Variants in KCNN2 observed in about 807,000 individuals in gnomAD.
KCNN2 encodes potassium calcium-activated channel subfamily N member 2, also known as small conductance calcium-activated potassium channel protein 2.
In KCNN2, 24 loss-of-function variants were observed where a neutral mutation model predicts 55.5. That is an observed-to-expected ratio of 0.43 (90% CI 0.31 to 0.61). The LOEUF (loss-of-function observed/expected upper bound fraction) is 0.61. Among genes scored for constraint, KCNN2 ranks in the 20% least tolerant of loss-of-function variants. The probability of loss-of-function intolerance (pLI) is 0.08; values close to 1 mark genes in which losing one functional copy is unlikely to be tolerated. For missense variants in KCNN2, 754 were observed against 853.6 expected, an observed-to-expected ratio of 0.88 and a Z score of 1.45; for synonymous variants, 431 against 336.1, an observed-to-expected ratio of 1.28 and a Z score of -3.09.
intron 3 of KCNN2, among the ~76,000 whole-genome samples, chr5:114,414,551 A>G (rs980453577): frequency 6.6e-6 from 1 of 152,130 alleles, no homozygotes; most frequent in East Asian, 1.9e-4. Context: ...GATAGTTCCA[A>G]TGCTGTTTTG....
At chr5:114,083,491 A>G (rs1309919363) in intron 1 of KCNN2, among the ~76,000 whole-genome samples, 2 of 151,970 alleles carry the variant, frequency 1.3e-5, no homozygotes, top group Non-Finnish European at 2.9e-5. Flanking sequence ...TTTCCTTATC[A>G]TTTCCTTGTT....
At chr5:114,181,875 G>A (rs185994974) in intron 1 of KCNN2, among the ~76,000 whole-genome samples, 13 of 152,170 alleles carry the variant, frequency 8.5e-5, no homozygotes, top group Admixed American at 5.2e-4. Context: ...TTAGCCCAGC[G>A]TTGTGGCGCA....
intron 3 of KCNN2, among the ~76,000 whole-genome samples, chr5:114,460,887 G>C (rs1050236455): frequency 1.3e-5 from 2 of 152,114 alleles, no homozygotes; most frequent in Non-Finnish European, 2.9e-5. Flanking sequence ...AAGCAGCTTT[G>C]TCTCACAATT....
At chr5:114,074,021 T>C (rs1393151363) in intron 1 of KCNN2, among the ~76,000 whole-genome samples, 2 of 152,188 alleles carry the variant, frequency 1.3e-5, no homozygotes, top group Admixed American at 6.5e-5. Flanking sequence ...AGCTCTAATA[T>C]CTACAACTTT....
intron 2 of KCNN2, among the ~76,000 whole-genome samples, chr5:114,285,480 T>A (rs564706315): frequency 6.6e-6 from 1 of 152,068 alleles, no homozygotes; most frequent in Admixed American, 6.6e-5. Context: ...AAATGGGAAA[T>A]AAGGATAAGT....
chr5:114,094,944 TA>T (rs981545004), intron 1 of KCNN2, among the ~76,000 whole-genome samples: 79 of 152,294 alleles, frequency 5.2e-4, no homozygotes, highest in African/African-American at 1.8e-3. Flanking sequence ...TTTTATATGA[TA>T]ATTTTCTCTA....
intron 3 of KCNN2, among the ~76,000 whole-genome samples, chr5:114,455,571 G>A (rs1014196465): frequency 3.9e-5 from 6 of 152,158 alleles, no homozygotes; most frequent in Admixed American, 1.3e-4. Context: ...GAAGGATTGC[G>A]TATCTCTCAC....
At chr5:114,056,775 T>C (rs2112504157) in intron 1 of KCNN2, among the ~76,000 whole-genome samples, 1 of 152,176 alleles carries the variant, frequency 6.6e-6, no homozygotes, top group African/African-American at 2.4e-5. Flanking sequence ...CTTCCATCCT[T>C]CCCCCCTTGT....
chr5:114,319,558 G>A (rs72799654), intron 2 of KCNN2, among the ~76,000 whole-genome samples: 21,126 of 152,130 alleles, frequency 0.14, 1,989 homozygotes, highest in Non-Finnish European at 0.19. Flanking sequence ...GCTGAGGTGA[G>A]TTGCTACTAG....
At chr5:114,150,042 C>G (rs538475511) in intron 1 of KCNN2, among the ~76,000 whole-genome samples, 1 of 152,170 alleles carries the variant, frequency 6.6e-6, no homozygotes, top group East Asian at 1.9e-4. Flanking sequence ...TGATGTGAAA[C>G]CTCCCTGACT....
At chr5:114,441,769 C>T (rs1760223048) in intron 3 of KCNN2, among the ~76,000 whole-genome samples, 1 of 152,110 alleles carries the variant, frequency 6.6e-6, no homozygotes, top group Non-Finnish European at 1.5e-5. Flanking sequence ...TCCCACTAGA[C>T]TAGATCACTA....
At chr5:114,464,705 A>G (rs920633220) in intron 4 of KCNN2, among the ~76,000 whole-genome samples, 5 of 152,214 alleles carry the variant, frequency 3.3e-5, no homozygotes, top group Non-Finnish European at 7.3e-5. Context: ...AGTAGTAACA[A>G]GATGGCCATT....
intron 2 of KCNN2, among the ~76,000 whole-genome samples, chr5:114,400,133 G>T (rs916821821): frequency 1.3e-5 from 2 of 151,818 alleles, no homozygotes; most frequent in East Asian, 1.9e-4. Flanking sequence ...CCTGGATTTT[G>T]GTTATTTCTT....
At position 114,397,270 on chromosome 5, in the gene KCNN2, C is replaced by G. The variant is rs189743291; in HGVS notation, c.1219-7168C>G. On this transcript the variant is annotated intron_variant, in intron 2 of 7. Coordinates refer to ENST00000673685, the MANE Select transcript of KCNN2 (RefSeq NM_021614.4). ...GGGATTGCTGGGTCTACTGGTAATTCTGTTTTAAGTTCTTTGAGAAATCAT... is the reference window on the plus strand; with the variant it reads ...GGGATTGCTGGGTCTACTGGTAATTGTGTTTTAAGTTCTTTGAGAAATCAT... Among the ~76,000 whole-genome samples the G allele has an allele frequency of 5.3e-5, 8 of 152,276 alleles. No homozygotes were observed. In the South Asian group the frequency reaches 1.7e-3, roughly 32 times the overall value.
chr5:114,332,898 A>C (rs1453912545), intron 2 of KCNN2, among the ~76,000 whole-genome samples: 1 of 152,212 alleles, frequency 6.6e-6, no homozygotes, highest in East Asian at 1.9e-4. Context: ...AACCCAAAAT[A>C]TAACCTGGGA....
At chr5:114,081,904 C>G (rs1750829642) in intron 1 of KCNN2, among the ~76,000 whole-genome samples, 1 of 151,910 alleles carries the variant, frequency 6.6e-6, no homozygotes, top group African/African-American at 2.4e-5. Context: ...GTAGGGAACT[C>G]TTAAAATTCA....
chr5:114,109,038 A>G (rs1751543015), intron 1 of KCNN2, among the ~76,000 whole-genome samples: 1 of 152,020 alleles, frequency 6.6e-6, no homozygotes, highest in Admixed American at 6.6e-5. Context: ...GTGTTGTGCC[A>G]AGCTAATCTT....
intron 1 of KCNN2, among the ~76,000 whole-genome samples, chr5:114,084,977 C>T (rs1750982143): frequency 6.6e-6 from 1 of 151,490 alleles, no homozygotes; most frequent in Admixed American, 6.6e-5. Flanking sequence ...CTTGTGTGAA[C>T]CTATTTCTGA....
intron 1 of KCNN2, among the ~76,000 whole-genome samples, chr5:114,109,345 A>G (rs1751549017): frequency 6.6e-6 from 1 of 152,108 alleles, no homozygotes; most frequent in Admixed American, 6.6e-5. Flanking sequence ...CATCTTATGT[A>G]ACATACTCAA....
Sources: gnomAD v4.1 joint callset for allele counts (sites outside exome capture counted in the v4.1 genomes callset) on GRCh38, gnomAD v4.1.1 for gene constraint, MANE v1.5 for transcripts, NCBI Gene and HGNC (gene_info 2026-07-23, HGNC 2026-07-21) for gene names.